Variants in AFF4 observed in about 807,000 individuals in gnomAD.
AFF4 encodes AF4/FMR2 family member 4.
In AFF4, 13 loss-of-function variants were observed where a neutral mutation model predicts 124.8. The observed-to-expected ratio is 0.10, with a 90% CI of 0.07 to 0.17. AFF4 has a LOEUF of 0.17. Ranked by LOEUF, AFF4 falls within the 10% of genes least tolerant of loss-of-function variation. The pLI is 1.00. For synonymous variants in AFF4, 477 were observed against 496.1 expected (o/e 0.96, Z 0.51); for missense variants, 1,092 against 1,403.8 (o/e 0.78, Z 3.55).
intron 1 of AFF4, among the ~76,000 whole-genome samples, chr5:132,948,270 C>T (rs1189852309): frequency 1.3e-5 from 2 of 152,070 alleles, no homozygotes; most frequent in African/African-American, 4.8e-5. Context: ...AAGATGGTCT[C>T]GATCTCCTGA....
intron 8 of AFF4, 24 bp from the exon 9 acceptor site, chr5:132,899,165 A>G: frequency 1.2e-6 from 2 of 1,603,780 alleles, no homozygotes; most frequent in Non-Finnish European, 1.7e-6. Flanking sequence ...ATAAGAAAGA[A>G]TCTGTGAATG....
intron 1 of AFF4, among the ~76,000 whole-genome samples, chr5:132,952,488 C>A (rs900297008): frequency 2.0e-5 from 3 of 152,244 alleles, no homozygotes. Flanking sequence ...GTTCCTCTGG[C>A]TCTTCCCATC....
Position 132,887,940 on chromosome 5 carries a change from C to T in AFF4, c.2839G>A (p.Val947Ile). Reference protein sequence around the residue: ...EKAVYYLDAVVSFIECGNALE... With the variant: ...EKAVYYLDAVISFIECGNALE... ...GCATTCCCACATTCAATGAAAGATA[C>T]CACAGCATCAAGATAGTATACAGCT... Residue 947 changes from valine (V) to isoleucine (I), a missense_variant, in exon 16 of 21, where the codon GTA becomes ATA. This residue lies in a region of AFF4 where 173 missense variants were observed against 294.9 expected (regional missense o/e 0.59). Transcript: ENST00000265343. 1 of 1,613,702 alleles carries T rather than the reference C, an allele frequency of 6.2e-7. No homozygotes were observed. The highest frequency in any genetic ancestry group is 8.5e-7 in the Non-Finnish European group (1 of 1,179,950).
chr5:132,891,857 G>T, intron 13 of AFF4: 1 of 439,544 alleles, frequency 2.3e-6, no homozygotes, highest in Non-Finnish European at 4.0e-6. Flanking sequence ...TCACCACATT[G>T]CCCAGGCTGG....
intron 13 of AFF4, among the ~76,000 whole-genome samples, chr5:132,891,601 T>G (rs1760258828): frequency 6.6e-6 from 1 of 152,090 alleles, no homozygotes; most frequent in South Asian, 2.1e-4. Context: ...TAGCTAAAGA[T>G]TTCTTTTTCT....
chr5:132,945,227 T>C (rs1210539465), intron 1 of AFF4: 1 of 152,302 alleles, frequency 6.6e-6, no homozygotes, highest in Non-Finnish European at 1.5e-5. Flanking sequence ...TTTCAGTTTT[T>C]TTCATGTGGC....
At chr5:132,926,008 CTAAA>C (rs1159744389) in intron 5 of AFF4, among the ~76,000 whole-genome samples, 2 of 152,000 alleles carry the variant, frequency 1.3e-5, no homozygotes, top group Non-Finnish European at 1.5e-5. Context: ...AGAGAAATGG[CTAAA>C]TAAACTAGGA....
chr5:132,950,592 T>C (rs1451086267), intron 1 of AFF4, among the ~76,000 whole-genome samples: 1 of 152,062 alleles, frequency 6.6e-6, no homozygotes, highest in Non-Finnish European at 1.5e-5. Context: ...GAGGTTGCAG[T>C]GAGCCAAGAT....
At position 132,902,306 on chromosome 5, in the gene AFF4, C is replaced by T. The variant is rs143475149; in HGVS notation, c.1133+136G>A. 2.0e-5 allele frequency: 13 copies of T among 650,860 alleles called. No homozygotes were observed. In the East Asian group the frequency reaches 3.2e-4, roughly 16 times the overall value. The allele number at this position is 650,860 out of a possible 1,614,324, so 40.3% of individuals were successfully genotyped here. On this transcript the variant is annotated intron_variant, in intron 7 of 20. Transcript: ENST00000265343. ...CACGTGATCTGCCTGCCTTGGCCTC[C>T]CAAAGTGCTAGGATTACAGGTGTCA...
At chr5:132,960,989 C>T (rs545535262) in intron 1 of AFF4, among the ~76,000 whole-genome samples, 31 of 151,910 alleles carry the variant, frequency 2.0e-4, no homozygotes, top group Non-Finnish European at 3.5e-4. Context: ...TTGGGGAGGC[C>T]GAGGCGTGTG....
chr5:132,924,733 T>C (rs1416338856), intron 5 of AFF4, among the ~76,000 whole-genome samples: 4 of 151,684 alleles, frequency 2.6e-5, no homozygotes, highest in African/African-American at 7.3e-5. Context: ...CGTGTGCCTG[T>C]AATCTCAGCT....
chr5:132,922,839 A>G (rs1761081760), intron 5 of AFF4, among the ~76,000 whole-genome samples: 1 of 151,714 alleles, frequency 6.6e-6, no homozygotes, highest in Admixed American at 6.6e-5. Flanking sequence ...GTAGATAATT[A>G]GGTAAATTAT....
intron 1 of AFF4, among the ~76,000 whole-genome samples, chr5:132,944,746 A>G (rs1185685390): frequency 2.0e-5 from 3 of 151,954 alleles, no homozygotes; most frequent in Non-Finnish European, 2.9e-5. Flanking sequence ...TCTGGCCAAC[A>G]GAGTGAAACC....
chr5:132,963,199 C>A (rs1245409228), intron 1 of AFF4, 60 bp downstream of exon 1: 2 of 386,310 alleles, frequency 5.2e-6, no homozygotes, highest in Non-Finnish European at 9.1e-6. Flanking sequence ...CCCCACCCGG[C>A]CCCGGCCACA....
At chr5:132,887,371 T>C (rs1401443171) in intron 17 of AFF4, 150 bp downstream of exon 17, 1 of 663,720 alleles carries the variant, frequency 1.5e-6, no homozygotes, top group Non-Finnish European at 2.5e-6. Context: ...AGTAGGAATT[T>C]TGAGTTACTT....
intron 5 of AFF4, among the ~76,000 whole-genome samples, chr5:132,924,253 C>CA (rs199581107): frequency 0.023 from 3,519 of 149,848 alleles, 61 homozygotes; most frequent in Middle Eastern, 0.051. Context: ...GACTCTGTCT[C>CA]AAAAAAAAGA....
chr5:132,934,736 G>A lies in AFF4; in HGVS notation c.329C>T (p.Pro110Leu), dbSNP rs368164320. The A allele has an allele frequency of 2.3e-5, 37 of 1,613,928 alleles. No individual in the cohort carries two copies. The highest frequency in any genetic ancestry group is 2.6e-5 in the Non-Finnish European group (31 of 1,180,024). Reference sequence around the variant, plus strand: ...AGAAGTGCTGGGTGCGGGTCCTACTGGAGTCCATTTGCTACTCTGATGAGA... The same window carrying A: ...AGAAGTGCTGGGTGCGGGTCCTACTAGAGTCCATTTGCTACTCTGATGAGA... ...GGSHQSSKWT[P>L]VGPAPSTSQS... Residue 110 changes from proline (P) to leucine (L), a missense_variant, in exon 3 of 21, where the codon CCA (proline) becomes CTA (leucine). This residue lies in a region of AFF4 where 188 missense variants were observed against 203.0 expected (regional missense o/e 0.93). Transcript: ENST00000265343.
intron 20 of AFF4, among the ~76,000 whole-genome samples, chr5:132,881,827 GTTT>G (rs749611038): frequency 1.5e-5 from 2 of 130,180 alleles, no homozygotes; most frequent in Non-Finnish European, 1.7e-5. Flanking sequence ...ATACAAAAAA[GTTT>G]TTTTTTTTTT....
At chr5:132,939,768 G>A (rs1187805972) in intron 1 of AFF4, among the ~76,000 whole-genome samples, 10 of 152,022 alleles carry the variant, frequency 6.6e-5, no homozygotes, top group African/African-American at 2.2e-4. Flanking sequence ...CTGCCACCAC[G>A]CCCGGCTAAT....
Sources: gnomAD v4.1 joint callset for allele counts (sites outside exome capture counted in the v4.1 genomes callset) on GRCh38, gnomAD v4.1.1 for gene constraint, gnomAD v4.1.1 regional missense constraint, MANE v1.5 for transcripts, NCBI Gene and HGNC (gene_info 2026-07-23, HGNC 2026-07-21) for gene names.